The following INPP4B variants were observed in gnomAD, a reference collection of about 807,000 sequenced individuals.
The protein encoded by INPP4B is inositol polyphosphate-4-phosphatase type II B, also known as inositol polyphosphate 4-phosphatase type II.
In INPP4B, 55 loss-of-function variants were observed where a neutral mutation model predicts 122.5. That is an observed-to-expected ratio of 0.45 (90% confidence interval 0.36 to 0.56). The LOEUF is 0.56. Among genes scored for constraint, INPP4B ranks in the 20% least tolerant of loss-of-function variants. INPP4B has a pLI of 0.00. For synonymous variants in INPP4B, 403 were observed against 388.7 expected (o/e 1.04, Z -0.43); for missense variants, 1,000 against 1,097.7 (o/e 0.91, Z 1.26).
chr4:142,211,484 C>T (rs1237235743), intron 12 of INPP4B, among the ~76,000 whole-genome samples: 1 of 152,054 alleles, frequency 6.6e-6, no homozygotes, highest in Admixed American at 6.6e-5. Flanking sequence ...GGAGCACAGC[C>T]TGAGATCAAG....
At chr4:142,598,056 T>A (rs971934528) in intron 2 of INPP4B, among the ~76,000 whole-genome samples, 1 of 152,118 alleles carries the variant, frequency 6.6e-6, no homozygotes, top group African/African-American at 2.4e-5. Flanking sequence ...TTATGAATAA[T>A]CATACCATGA....
intron 25 of INPP4B, among the ~76,000 whole-genome samples, chr4:142,070,366 C>T (rs913257901): frequency 6.6e-6 from 1 of 152,192 alleles, no homozygotes; most frequent in South Asian, 2.1e-4. Context: ...TATGACAAAC[C>T]TACAGCCAAT....
chr4:142,636,420 G>C (rs1749177675), intron 2 of INPP4B, among the ~76,000 whole-genome samples: 1 of 151,992 alleles, frequency 6.6e-6, no homozygotes, highest in Non-Finnish European at 1.5e-5. Context: ...GAAAACCTAA[G>C]TAAATAGAAG....
intron 2 of INPP4B, among the ~76,000 whole-genome samples, chr4:142,622,966 A>T (rs1425962184): frequency 6.6e-6 from 1 of 151,944 alleles, no homozygotes; most frequent in African/African-American, 2.4e-5. Flanking sequence ...AATGGGAATA[A>T]ATTACTGCCC....
chr4:142,196,573 A>G (rs1406780518), intron 14 of INPP4B, among the ~76,000 whole-genome samples: 2 of 152,130 alleles, frequency 1.3e-5, no homozygotes, highest in Non-Finnish European at 1.5e-5. Flanking sequence ...CTTTCTGTTC[A>G]TGATACTTAT....
At chr4:142,090,342 A>G (rs1194716177) in intron 23 of INPP4B, among the ~76,000 whole-genome samples, 2 of 151,992 alleles carry the variant, frequency 1.3e-5, no homozygotes, top group Non-Finnish European at 2.9e-5. Context: ...TATAGTGACA[A>G]AACTTGCTTT....
chr4:142,215,188 T>C (rs1329908976), intron 12 of INPP4B, among the ~76,000 whole-genome samples: 1 of 152,202 alleles, frequency 6.6e-6, no homozygotes, highest in Non-Finnish European at 1.5e-5. Context: ...TAAAAACTGC[T>C]TGTTTATCTC....
intron 25 of INPP4B, among the ~76,000 whole-genome samples, chr4:142,046,398 T>C (rs1351972479): frequency 6.6e-6 from 1 of 152,078 alleles, no homozygotes. Flanking sequence ...AGGGATTAGC[T>C]TGGCCTTGGG....
Position 142,260,517 on chromosome 4 carries a change from T to C in INPP4B, c.663A>G (p.Lys221=), listed in dbSNP as rs1239467286. 6.2e-7 allele frequency: 1 copy of C among 1,608,450 alleles called. No homozygotes were observed. Among genetic ancestry groups the C allele is most frequent in the Admixed American group, 1.7e-5 (1 of 59,744 alleles). Residue 221 remains lysine, a synonymous_variant, in exon 11 of 26, where the codon AAA becomes AAG. Transcript: ENST00000262992. ...CTGAATTCAAAAAAGGTAAGTTATC[T>C]TTTCCGCTCACACTTTCCGGGGCTG... ...ECTAPESVSG[K]DNLPFLNSVL...
chr4:142,578,329 A>G (rs1167830280), intron 2 of INPP4B, among the ~76,000 whole-genome samples: 1 of 151,888 alleles, frequency 6.6e-6, no homozygotes, highest in Non-Finnish European at 1.5e-5. Flanking sequence ...TTATTTTTCT[A>G]TGAATGTCCA....
At chr4:142,780,840 G>C (rs780967561) in intron 1 of INPP4B, among the ~76,000 whole-genome samples, 1 of 152,056 alleles carries the variant, frequency 6.6e-6, no homozygotes, top group Non-Finnish European at 1.5e-5. Context: ...ACCAAAATTT[G>C]ATTCTGTCTA....
Position 142,314,780 on chromosome 4 carries a change from T to G in INPP4B, c.373-18A>C. The G allele has an allele frequency of 6.3e-7, 1 of 1,591,598 alleles. No individual in the cohort carries two copies. Among genetic ancestry groups the G allele is most frequent in the Non-Finnish European group, 8.5e-7 (1 of 1,171,708 alleles). On this transcript the variant is annotated intron_variant, in intron 7 of 25. Transcript: ENST00000262992. ...GTTCGAACCTGTGGAGAAAAACATT[T>G]TCTGTAAGACTTTGGAGTAGAAACT...
chr4:142,830,270 G>T (rs1264999201), intron 1 of INPP4B, among the ~76,000 whole-genome samples: 1 of 152,124 alleles, frequency 6.6e-6, no homozygotes, highest in African/African-American at 2.4e-5. Flanking sequence ...ATTTTTCTAA[G>T]GGATTAATGC....
chr4:142,749,226 TAATA>T (rs1380873684), intron 1 of INPP4B, among the ~76,000 whole-genome samples: 2 of 147,162 alleles, frequency 1.4e-5, no homozygotes, highest in Non-Finnish European at 3.0e-5. Context: ...AGCATATATA[TAATA>T]TATAATATAT....
At chr4:142,130,580 G>A (rs1800775430) in intron 18 of INPP4B, among the ~76,000 whole-genome samples, 1 of 152,112 alleles carries the variant, frequency 6.6e-6, no homozygotes, top group Non-Finnish European at 1.5e-5. Context: ...GAAGAAACAA[G>A]GTTTATATTA....
chr4:142,450,268 T>C (rs939814107), intron 3 of INPP4B, among the ~76,000 whole-genome samples: 3 of 152,196 alleles, frequency 2.0e-5, no homozygotes, highest in Non-Finnish European at 4.4e-5. Flanking sequence ...AGGAATGTGT[T>C]GGAGGTTAGC....
At chr4:142,572,165 A>G (rs776282335) in intron 2 of INPP4B, among the ~76,000 whole-genome samples, 1 of 152,124 alleles carries the variant, frequency 6.6e-6, no homozygotes, top group Non-Finnish European at 1.5e-5. Context: ...GTTGAATTCA[A>G]TTAGGTCTAT....
intron 16 of INPP4B, among the ~76,000 whole-genome samples, chr4:142,166,515 G>T (rs1822803173): frequency 6.6e-6 from 1 of 151,738 alleles, no homozygotes. Context: ...AAAAGCAACT[G>T]CAACAAAAGC....
chr4:142,593,645 CAT>C (rs1738034879), intron 2 of INPP4B, among the ~76,000 whole-genome samples: 3 of 152,234 alleles, frequency 2.0e-5, no homozygotes, highest in African/African-American at 7.2e-5. Flanking sequence ...GACTTTTAGC[CAT>C]AATGGGACCT....
Sources: gnomAD v4.1 joint callset for allele counts (sites outside exome capture counted in the v4.1 genomes callset) on GRCh38, gnomAD v4.1.1 for gene constraint, MANE v1.5 for transcripts, NCBI Gene and HGNC (gene_info 2026-07-23, HGNC 2026-07-21) for gene names.